HOMER1: variants seen among roughly 807,000 people sequenced by gnomAD.
HOMER1 encodes homer protein homolog 1.
Under a neutral mutation model 48.9 loss-of-function variants are expected in HOMER1, and 3 were observed. The ratio of observed to expected loss-of-function variants is 0.06; its 90% confidence interval spans 0.03 to 0.16. The LOEUF is 0.16. Among genes scored for constraint, HOMER1 ranks in the 10% least tolerant of loss-of-function variants. The probability of loss-of-function intolerance (pLI) is 1.00; values close to 1 mark genes in which losing one functional copy is unlikely to be tolerated. For synonymous variants in HOMER1, 134 were observed against 146.4 expected (o/e 0.92, Z 0.61); for missense variants, 247 against 411.4 (o/e 0.60, Z 3.46).
At chr5:79,479,365 G>A (rs1324247665) in intron 1 of HOMER1, among the ~76,000 whole-genome samples, 1 of 152,288 alleles carries the variant, frequency 6.6e-6, no homozygotes, top group Non-Finnish European at 1.5e-5. Flanking sequence ...TCTTGAGATG[G>A]GGGGATTACC....
rs558400210 is a variant in HOMER1 at position 79,451,230 on chromosome 5, G to A, written c.163-109C>T. 7 of 1,034,810 alleles carry A rather than the reference G, an allele frequency of 6.8e-6. No homozygotes were observed. The East Asian group carries it at 7.3e-5, about 11-fold the overall frequency. 64.1% of individuals were successfully genotyped at this position (1,034,810 alleles called of 1,614,324 possible). ...CTTAAGATTATCAATAAGCCACAAC[G>A]TTAAATACATAAAGATAGTTACAGA... On this transcript the variant is annotated intron_variant, in intron 2 of 8. Transcript: ENST00000334082.
At chr5:79,402,082 A>G (rs1330797179) in intron 5 of HOMER1, 27 bp from the exon 6 acceptor site, 8 of 1,593,604 alleles carry the variant, frequency 5.0e-6, no homozygotes, top group South Asian at 1.1e-5. Context: ...AGAAAATTCT[A>G]TCCATTACAC....
At chr5:79,472,280 G>A (rs895359758) in intron 1 of HOMER1, among the ~76,000 whole-genome samples, 18 of 151,978 alleles carry the variant, frequency 1.2e-4, no homozygotes, top group Admixed American at 9.2e-4. Flanking sequence ...TTTTCTATGT[G>A]AACATATATT....
chr5:79,442,997 C>T (rs1223087824), intron 4 of HOMER1, among the ~76,000 whole-genome samples: 1 of 152,162 alleles, frequency 6.6e-6, no homozygotes, highest in Non-Finnish European at 1.5e-5. Flanking sequence ...TCTTCCTTCG[C>T]TATGTAAAGT....
intron 4 of HOMER1, among the ~76,000 whole-genome samples, chr5:79,439,774 C>A (rs562012530): frequency 6.6e-6 from 1 of 152,242 alleles, no homozygotes; most frequent in Non-Finnish European, 1.5e-5. Flanking sequence ...CTTTTCTTTA[C>A]AAAATTTCCT....
chr5:79,390,942 A>G (rs1749232282), intron 8 of HOMER1, among the ~76,000 whole-genome samples: 1 of 152,112 alleles, frequency 6.6e-6, no homozygotes, highest in South Asian at 2.1e-4. Context: ...AGCAATGATC[A>G]GAGGAAGACC....
chr5:79,377,333 G>T (rs1305131961), intron 8 of HOMER1, among the ~76,000 whole-genome samples: 3 of 152,056 alleles, frequency 2.0e-5, no homozygotes, highest in Non-Finnish European at 4.4e-5. Context: ...AAAATAAAAT[G>T]ACATAAATCA....
chr5:79,437,406 AAT>A (rs1308185495), intron 5 of HOMER1, among the ~76,000 whole-genome samples: 1 of 152,210 alleles, frequency 6.6e-6, no homozygotes, highest in African/African-American at 2.4e-5. Flanking sequence ...ATTGCATACT[AAT>A]ATGATTATTT....
At chr5:79,382,566 T>C (rs1224389047) in intron 8 of HOMER1, among the ~76,000 whole-genome samples, 1 of 152,074 alleles carries the variant, frequency 6.6e-6, no homozygotes, top group Non-Finnish European at 1.5e-5. Context: ...AGCAAAATTA[T>C]CCTTTGTAAA....
chr5:79,379,190 T>A (rs1748877106), intron 8 of HOMER1, among the ~76,000 whole-genome samples: 2 of 96,278 alleles, frequency 2.1e-5, no homozygotes, highest in African/African-American at 8.2e-5. Flanking sequence ...TTTTTATATA[T>A]CTATAATATA....
chr5:79,389,613 A>C (rs1020850427), intron 8 of HOMER1, among the ~76,000 whole-genome samples: 1 of 152,208 alleles, frequency 6.6e-6, no homozygotes, highest in Non-Finnish European at 1.5e-5. Flanking sequence ...AGGAGGCCGC[A>C]TTCATTCCCT....
At chr5:79,476,806 A>C (rs1751791918) in intron 1 of HOMER1, among the ~76,000 whole-genome samples, 1 of 152,150 alleles carries the variant, frequency 6.6e-6, no homozygotes, top group African/African-American at 2.4e-5. Context: ...CACTGGATAG[A>C]CATGAATGAA....
intron 1 of HOMER1, among the ~76,000 whole-genome samples, chr5:79,458,901 A>G (rs1305449215): frequency 6.6e-6 from 1 of 152,302 alleles, no homozygotes; most frequent in Admixed American, 6.5e-5. Flanking sequence ...GGCTGGTGCT[A>G]TAAGCTTGGG....
chr5:79,398,813 C>T (rs1246368499), intron 6 of HOMER1, among the ~76,000 whole-genome samples: 1 of 152,150 alleles, frequency 6.6e-6, no homozygotes, highest in East Asian at 1.9e-4. Flanking sequence ...TCTCCTTGTC[C>T]TAAGAACAAG....
chr5:79,443,127 T>C (rs1287961017), intron 4 of HOMER1, among the ~76,000 whole-genome samples: 1 of 152,192 alleles, frequency 6.6e-6, no homozygotes, highest in East Asian at 1.9e-4. Context: ...CAAACCTGTT[T>C]ATGCCAATTC....
intron 1 of HOMER1, among the ~76,000 whole-genome samples, chr5:79,466,499 A>AAAC (rs1554061343): frequency 6.8e-6 from 1 of 148,124 alleles, no homozygotes; most frequent in Admixed American, 6.8e-5. Context: ...CCTGTCTCAA[A>AAAC]AATAATAATA....
chr5:79,378,176 G>A (rs1748823313), intron 8 of HOMER1, among the ~76,000 whole-genome samples: 2 of 138,190 alleles, frequency 1.4e-5, no homozygotes, highest in Non-Finnish European at 3.0e-5. Flanking sequence ...CCGAAATTAC[G>A]TTACTGCACT....
intron 1 of HOMER1, among the ~76,000 whole-genome samples, chr5:79,483,753 T>TAA (rs70975754): frequency 0.076 from 10,166 of 133,756 alleles, 800 homozygotes; most frequent in East Asian, 0.23. Context: ...ACCGTTTAAG[T>TAA]AAAAAAAAAA....
chr5:79,507,116 G>C (rs1752795459), intron 1 of HOMER1, among the ~76,000 whole-genome samples: 2 of 149,434 alleles, frequency 1.3e-5, no homozygotes, highest in Non-Finnish European at 3.0e-5. Context: ...GGGAGGCTGA[G>C]GCAGGAGAAA....
Sources: gnomAD v4.1 joint callset for allele counts (sites outside exome capture counted in the v4.1 genomes callset) on GRCh38, gnomAD v4.1.1 for gene constraint, MANE v1.5 for transcripts, NCBI Gene and HGNC (gene_info 2026-07-23, HGNC 2026-07-21) for gene names.